The following FBXL20 variants were observed in gnomAD, a reference collection of about 807,000 sequenced individuals.
The protein encoded by FBXL20 is F-box/LRR-repeat protein 20.
A neutral mutation model predicts 64.0 loss-of-function variants in FBXL20; 11 were observed. The ratio of observed to expected loss-of-function variants is 0.17; its 90% CI spans 0.11 to 0.28. The LOEUF is 0.28. FBXL20 is among the 10% of genes least tolerant of loss of function. The probability of loss-of-function intolerance (pLI) is 1.00; values close to 1 mark genes in which losing one functional copy is unlikely to be tolerated. For synonymous variants in FBXL20, 184 were observed against 189.0 expected (o/e 0.97, Z 0.22); for missense variants, 303 against 526.2 (o/e 0.58, Z 4.15).
chr17:39,262,642 G>A (rs1193149281), intron 14 of FBXL20, among the ~76,000 whole-genome samples: 3 of 151,992 alleles, frequency 2.0e-5, no homozygotes, highest in Non-Finnish European at 1.5e-5. Flanking sequence ...GTGTGAAGCA[G>A]ATGTTCCAAT....
At chr17:39,270,973 A>G (rs1378045041) in intron 10 of FBXL20, 117 bp from the exon 11 acceptor site, 9 of 779,388 alleles carry the variant, frequency 1.2e-5, no homozygotes, top group Non-Finnish European at 1.8e-5. Flanking sequence ...ACTTTATAAT[A>G]TAGAATGACA....
At chr17:39,330,078 A>G (rs1389204516) in intron 2 of FBXL20, among the ~76,000 whole-genome samples, 1 of 152,082 alleles carries the variant, frequency 6.6e-6, no homozygotes, top group Non-Finnish European at 1.5e-5. Context: ...AGATCACCTG[A>G]GGTCAGGAGT....
intron 6 of FBXL20, among the ~76,000 whole-genome samples, chr17:39,288,909 TAGTC>T (rs1410168207): frequency 6.6e-6 from 1 of 152,130 alleles, no homozygotes. Flanking sequence ...TTCACTGTGT[TAGTC>T]AGGATGTTTT....
At chr17:39,363,827 C>CAACAAAAAA (rs2047827109) in intron 1 of FBXL20, among the ~76,000 whole-genome samples, 6 of 78,008 alleles carry the variant, frequency 7.7e-5, no homozygotes, top group African/African-American at 2.2e-4. Flanking sequence ...AAAAAAAAAA[C>CAACAAAAAA]AAAAAACAAA....
chr17:39,340,700 TA>T (rs985016285), intron 2 of FBXL20, among the ~76,000 whole-genome samples: 82 of 148,034 alleles, frequency 5.5e-4, no homozygotes, highest in Admixed American at 1.8e-3. Flanking sequence ...TAAGAACATC[TA>T]AAAAAAAAAG....
chr17:39,287,056 G>A (rs1305173652), intron 6 of FBXL20, among the ~76,000 whole-genome samples: 1 of 151,304 alleles, frequency 6.6e-6, no homozygotes, highest in Non-Finnish European at 1.5e-5. Context: ...GGGATTACAG[G>A]CGCCTGCCAC....
intron 7 of FBXL20, among the ~76,000 whole-genome samples, chr17:39,283,214 C>T (rs892169270): frequency 4.6e-5 from 7 of 152,128 alleles, no homozygotes; most frequent in East Asian, 1.9e-4. Flanking sequence ...TGATTCAAAA[C>T]GAGATTCTCC....
At position 39,299,088 on chromosome 17, in the gene FBXL20, TA is replaced by T; in HGVS notation, c.235-5del. On this transcript the variant is annotated splice_polypyrimidine_tract_variant and splice_region_variant and intron_variant, in intron 4 of 14. Coordinates refer to ENST00000264658, the MANE Select transcript of FBXL20 (RefSeq NM_032875.3). The stretch of plus-strand genomic sequence containing the variant: ...AAATATTCTCCACTACTCGGCCCTG[TA>T]AAATGAGACAGGCAAACAAAAAGAT... The T allele has an allele frequency of 1.2e-6, 2 of 1,600,490 alleles. No individual in the cohort carries two copies. Among genetic ancestry groups the T allele is most frequent in the East Asian group, 2.2e-5 (1 of 44,710 alleles).
intron 1 of FBXL20, among the ~76,000 whole-genome samples, chr17:39,385,226 AACACACACGCGCGTGCGTGCACAC>A (rs1241381043): frequency 1.3e-5 from 2 of 151,962 alleles, no homozygotes; most frequent in African/African-American, 2.4e-5. Flanking sequence ...TGTCTCTAGA[AACACACACGCGCGTGCGTGCACAC>A]ACACACACAC....
At chr17:39,384,062 C>T (rs2048053102) in intron 1 of FBXL20, among the ~76,000 whole-genome samples, 1 of 151,746 alleles carries the variant, frequency 6.6e-6, no homozygotes, top group Admixed American at 6.6e-5. Context: ...AGGGAGACTC[C>T]ATCTCTACAA....
rs1704630718 is a variant in FBXL20, at chr17:39,301,053, T to C, written c.182A>G (p.Asp61Gly). The C allele has an allele frequency of 6.2e-7, 1 of 1,613,846 alleles. No homozygotes were observed. Among genetic ancestry groups the C allele is most frequent in the Non-Finnish European group, 8.5e-7 (1 of 1,179,970 alleles). ...VSRAWNVLAL[D>G]GSNWQRIDLF... ...GTCAATTCGCTGCCAGTTACTGCCATCCAGAGCCAGAACATTCCAGGCCTA... is the reference window on the plus strand; with the variant it reads ...GTCAATTCGCTGCCAGTTACTGCCACCCAGAGCCAGAACATTCCAGGCCTA... Residue 61 changes from aspartate (D) to glycine (G), a missense_variant, in exon 4 of 15, where the codon GAT becomes GGT. This residue lies in a region of FBXL20 where 246 missense variants were observed against 422.6 expected (regional missense o/e 0.58). Transcript: ENST00000264658.
In FBXL20 at chr17:39,379,299, C is replaced by T. The variant is rs532109585; in HGVS notation, c.42+22062G>A. Reference sequence around the variant, plus strand: ...TTGGCAGGATATGGAGAAACTTGAGCCCTTGTACACTGCTGGTGGAAATAT... The same window carrying T: ...TTGGCAGGATATGGAGAAACTTGAGTCCTTGTACACTGCTGGTGGAAATAT... On this transcript the variant is annotated intron_variant, in intron 1 of 14. Coordinates refer to ENST00000264658, the MANE Select transcript of FBXL20 (RefSeq NM_032875.3). Among the ~76,000 whole-genome samples the T allele has an allele frequency of 5.3e-5, 8 of 151,692 alleles. No individual in the cohort carries two copies. In the South Asian group the frequency reaches 1.2e-3, roughly 24 times the overall value.
intron 1 of FBXL20, among the ~76,000 whole-genome samples, chr17:39,387,081 T>G (rs1412093462): frequency 6.6e-6 from 1 of 152,214 alleles, no homozygotes; most frequent in Non-Finnish European, 1.5e-5. Flanking sequence ...CAGTGGAAAC[T>G]GCAATGAGTA....
At chr17:39,281,267 G>T in intron 9 of FBXL20, 122 bp downstream of exon 9, 4 of 809,466 alleles carry the variant, frequency 4.9e-6, no homozygotes, top group Non-Finnish European at 8.0e-6. Flanking sequence ...TGTTTACTTT[G>T]TCACTAGGGT....
At chr17:39,282,565 T>C (rs942049418) in intron 8 of FBXL20, among the ~76,000 whole-genome samples, 164 bp downstream of exon 8, 2 of 152,234 alleles carry the variant, frequency 1.3e-5, no homozygotes, top group African/African-American at 4.8e-5. Context: ...TCTCATTCTT[T>C]TATCCTAAGG....
intron 1 of FBXL20, among the ~76,000 whole-genome samples, chr17:39,390,509 T>C (rs759422010): frequency 8.6e-5 from 13 of 150,418 alleles, no homozygotes; most frequent in Non-Finnish European, 1.5e-4. Context: ...TGCAGTGAGC[T>C]GAGATGGCGC....
rs756441141 is a variant in FBXL20 at position 39,292,501 on chromosome 17, C to T, written c.398+4626G>A. On this transcript the variant is annotated intron_variant, in intron 6 of 14. Coordinates refer to ENST00000264658, the MANE Select transcript of FBXL20 (RefSeq NM_032875.3). Reference sequence around the variant, plus strand: ...CTCTAACTCCTGGTCTCAAGTGATCCTCCTGCCTCAGCCTACCAAGTAGCT... The same window carrying T: ...CTCTAACTCCTGGTCTCAAGTGATCTTCCTGCCTCAGCCTACCAAGTAGCT... Among the ~76,000 whole-genome samples, 10 of 139,960 alleles carry T rather than the reference C, an allele frequency of 7.1e-5. 2 individuals carry two copies. The highest frequency in any genetic ancestry group is 1.5e-4 in the African/African-American group (5 of 33,372). The allele number at this position is 139,960 out of a possible 152,430, so 91.8% of individuals were successfully genotyped here.
chr17:39,271,084 A>G lies in FBXL20; in HGVS notation c.828-228T>C, dbSNP rs868163059. ...ACCACATTTCAGGGTGATGCAATCA[A>G]TGAACACAGAAGAATATAATTGAAG... On this transcript the variant is annotated intron_variant, in intron 10 of 14. Transcript: ENST00000264658. 2.0e-5 allele frequency among the ~76,000 whole-genome samples: 3 copies of G among 152,212 alleles called. No homozygotes were observed. The South Asian group carries it at 6.2e-4, about 32-fold the overall frequency.
chr17:39,339,456 G>C (rs546878941), intron 2 of FBXL20, among the ~76,000 whole-genome samples: 4 of 152,074 alleles, frequency 2.6e-5, no homozygotes, highest in Non-Finnish European at 5.9e-5. Context: ...GACAGCAGGA[G>C]ACTTTTCTGT....
Sources: allele counts gnomAD v4.1 joint callset (sites outside exome capture counted in the v4.1 genomes callset), GRCh38; gene constraint gnomAD v4.1.1; regional missense constraint gnomAD v4.1.1; transcripts MANE v1.5; gene names NCBI Gene and HGNC (gene_info 2026-07-23, HGNC 2026-07-21).